Variants in GNAQ observed in about 807,000 individuals in gnomAD.
The protein encoded by GNAQ is G protein subunit alpha q, also known as guanine nucleotide-binding protein G(q) subunit alpha.
Under a neutral mutation model 43.9 loss-of-function variants are expected in GNAQ, and 8 were observed. The observed-to-expected ratio is 0.18, with a 90% CI of 0.11 to 0.33. The LOEUF is 0.33. GNAQ is among the 10% of genes least tolerant of loss of function. The probability of loss-of-function intolerance (pLI) is 1.00; values close to 1 mark genes in which losing one functional copy is unlikely to be tolerated. For missense variants in GNAQ, 158 were observed against 450.8 expected, an observed-to-expected ratio of 0.35 and a Z score of 5.88; for synonymous variants, 155 against 170.7, an observed-to-expected ratio of 0.91 and a Z score of 0.71.
chr9:77,934,391 CAGT>C (rs1438499512), intron 1 of GNAQ, among the ~76,000 whole-genome samples: 1 of 152,048 alleles, frequency 6.6e-6, no homozygotes, highest in Non-Finnish European at 1.5e-5. Context: ...CTAAAAACTA[CAGT>C]AGTCTTCTTT....
At chr9:77,913,208 T>C (rs980553432) in intron 2 of GNAQ, among the ~76,000 whole-genome samples, 74 of 151,990 alleles carry the variant, frequency 4.9e-4, no homozygotes, top group African/African-American at 1.7e-3. Flanking sequence ...AATGCAGACT[T>C]ATGTTCACCA....
chr9:77,990,930 C>T (rs989880621), intron 1 of GNAQ, among the ~76,000 whole-genome samples: 3 of 152,134 alleles, frequency 2.0e-5, no homozygotes, highest in Non-Finnish European at 2.9e-5. Context: ...TTTATACATA[C>T]GAAAGAAAAT....
intron 2 of GNAQ, among the ~76,000 whole-genome samples, chr9:77,850,079 T>C (rs1373375525): frequency 2.6e-5 from 4 of 152,262 alleles, no homozygotes; most frequent in Non-Finnish European, 5.9e-5. Flanking sequence ...ACCTAAGCTC[T>C]AGGCCAGTAC....
chr9:77,909,103 C>T (rs1331548308), intron 2 of GNAQ, among the ~76,000 whole-genome samples: 1 of 152,160 alleles, frequency 6.6e-6, no homozygotes, highest in Non-Finnish European at 1.5e-5. Context: ...GCACCCCTTC[C>T]TCTGGGCCAC....
At chr9:77,915,923 A>T (rs1273749600) in intron 2 of GNAQ, among the ~76,000 whole-genome samples, 1 of 152,182 alleles carries the variant, frequency 6.6e-6, no homozygotes, top group African/African-American at 2.4e-5. Context: ...TCTTCCACCA[A>T]CTGTACCCAG....
chr9:77,736,186 T>G (rs1825574588), intron 5 of GNAQ, among the ~76,000 whole-genome samples: 1 of 152,226 alleles, frequency 6.6e-6, no homozygotes. Flanking sequence ...CAATTTTCCT[T>G]ACGTAGAGAA....
At chr9:77,981,420 G>T (rs1823366588) in intron 1 of GNAQ, among the ~76,000 whole-genome samples, 1 of 152,214 alleles carries the variant, frequency 6.6e-6, no homozygotes, top group African/African-American at 2.4e-5. Flanking sequence ...AAGAGGCTGT[G>T]CCCTACAGGC....
chr9:77,944,466 C>T (rs576703690), intron 1 of GNAQ, among the ~76,000 whole-genome samples: 54 of 152,162 alleles, frequency 3.5e-4, no homozygotes, highest in Admixed American at 1.4e-3. Flanking sequence ...CTCTTTAGAC[C>T]AGAAACCAAA....
At chr9:77,753,596 C>A (rs1825851976) in intron 5 of GNAQ, among the ~76,000 whole-genome samples, 1 of 152,094 alleles carries the variant, frequency 6.6e-6, no homozygotes, top group Non-Finnish European at 1.5e-5. Flanking sequence ...TCCTAAGAAT[C>A]CTTAGGCATG....
At chr9:77,951,003 G>A (rs953054093) in intron 1 of GNAQ, among the ~76,000 whole-genome samples, 3 of 151,536 alleles carry the variant, frequency 2.0e-5, no homozygotes, top group African/African-American at 7.3e-5. Context: ...AACACTATGA[G>A]GCCAAGATGT....
At chr9:77,831,058 T>C (rs546666647) in intron 2 of GNAQ, among the ~76,000 whole-genome samples, 14 of 152,286 alleles carry the variant, frequency 9.2e-5, no homozygotes, top group Admixed American at 3.9e-4. Context: ...GTGAATAAGA[T>C]TGAGAAAGAA....
chr9:77,993,324 A>G lies in GNAQ; in HGVS notation c.136+37776T>C, dbSNP rs559500686. ...AGATATTTCAGCATTTGTCTTCAGT[A>G]TAAGTAAAGCAAAGCAAACAAATGG... On this transcript the variant is annotated intron_variant, in intron 1 of 6. Transcript: ENST00000286548. Among the ~76,000 whole-genome samples, 6 of 152,322 alleles carry G rather than the reference A, an allele frequency of 3.9e-5. No homozygotes were observed. In the East Asian group the frequency reaches 7.7e-4, roughly 20 times the overall value.
intron 2 of GNAQ, among the ~76,000 whole-genome samples, chr9:77,844,524 G>C (rs1827548216): frequency 6.6e-6 from 1 of 152,148 alleles, no homozygotes; most frequent in African/African-American, 2.4e-5. Context: ...CTAAGTATAA[G>C]ATGGATCCCT....
chr9:77,828,588 T>C (rs967309723), intron 2 of GNAQ, among the ~76,000 whole-genome samples: 4 of 152,236 alleles, frequency 2.6e-5, no homozygotes, highest in African/African-American at 9.6e-5. Context: ...TTTCCAACAA[T>C]GCAGTAAATT....
chr9:77,994,636 G>A (rs1160360627), intron 1 of GNAQ, among the ~76,000 whole-genome samples: 1 of 152,018 alleles, frequency 6.6e-6, no homozygotes, highest in African/African-American at 2.4e-5. Flanking sequence ...ACACTCAAAG[G>A]TATTCTTTCT....
chr9:77,985,245 G>A (rs146466397), intron 1 of GNAQ, among the ~76,000 whole-genome samples: 9,005 of 152,200 alleles, frequency 0.059, 291 homozygotes, highest in African/African-American at 0.065. Flanking sequence ...CCCAGGAGGC[G>A]GAGCTTGCAG....
intron 1 of GNAQ, among the ~76,000 whole-genome samples, chr9:77,948,640 G>C (rs1362209995): frequency 6.6e-6 from 1 of 152,188 alleles, no homozygotes; most frequent in Admixed American, 6.5e-5. Flanking sequence ...ACTGTTGACT[G>C]AACATCCATT....
chr9:78,019,855 C>T lies in GNAQ; in HGVS notation c.136+11245G>A, dbSNP rs916353731. Among the ~76,000 whole-genome samples, 4 of 140,468 alleles carry T rather than the reference C, an allele frequency of 2.8e-5. No individual in the cohort carries two copies. In the South Asian group the frequency reaches 6.5e-4, roughly 23 times the overall value. The allele number at this position is 140,468 out of a possible 152,430, so 92.2% of individuals were successfully genotyped here. A position where few individuals can be genotyped will look rare whatever the true frequency, so the allele number is the denominator to read the frequency against. On this transcript the variant is annotated intron_variant, in intron 1 of 6. Transcript: ENST00000286548. The stretch of plus-strand genomic sequence containing the variant: ...AGGAGAATCACTTGAACCTGGGAGG[C>T]AGAGGGTGCAGTGAGCTGAGATTGC...
At chr9:77,751,004 C>T (rs1490297658) in intron 5 of GNAQ, among the ~76,000 whole-genome samples, 2 of 152,186 alleles carry the variant, frequency 1.3e-5, no homozygotes, top group Non-Finnish European at 2.9e-5. Context: ...AGTGGAGACC[C>T]AGCACTGCTT....
Sources: gnomAD v4.1 joint callset for allele counts (sites outside exome capture counted in the v4.1 genomes callset) on GRCh38, gnomAD v4.1.1 for gene constraint, MANE v1.5 for transcripts, NCBI Gene and HGNC (gene_info 2026-07-23, HGNC 2026-07-21) for gene names.